The following DEPDC5 variants were observed in gnomAD, a reference collection of about 807,000 sequenced individuals.
DEPDC5 encodes DEP domain containing 5, GATOR1 subcomplex subunit, also known as GATOR1 complex protein DEPDC5.
A neutral mutation model predicts 217.3 loss-of-function variants in DEPDC5; 73 were observed. The observed-to-expected ratio is 0.34, with a 90% CI of 0.28 to 0.41. The LOEUF (loss-of-function observed/expected upper bound fraction) is 0.41. DEPDC5 is among the 10% of genes least tolerant of loss of function. The pLI is 1.00. For synonymous variants in DEPDC5, 733 were observed against 756.7 expected (o/e 0.97, Z 0.51); for missense variants, 1,675 against 2,070.1 (o/e 0.81, Z 3.70).
intron 27 of DEPDC5, among the ~76,000 whole-genome samples, chr22:31,840,420 G>A (rs1284644742): frequency 1.3e-5 from 2 of 152,220 alleles, no homozygotes; most frequent in Non-Finnish European, 2.9e-5. Context: ...AGCCGGAGGT[G>A]CAGCCAGAGA....
chr22:31,906,503 G>A lies in DEPDC5; in HGVS notation c.*6G>A. The A allele has an allele frequency of 6.2e-7, 1 of 1,612,704 alleles. No individual in the cohort carries two copies. The highest frequency in any genetic ancestry group is 1.3e-5 in the African/African-American group (1 of 75,070). On this transcript the variant is annotated 3_prime_UTR_variant, in exon 43 of 43. Transcript: ENST00000651528. This position sits in a 1 kb window ranked among gnomAD's most constrained non-coding sequence, Gnocchi z 5.1. Reference sequence around the variant, plus strand: ...TGCATGCCAGTGCCCCGTGAGGCCAGGCTGCACCTGTGCTGGGGGAAGGTG... The same window carrying A: ...TGCATGCCAGTGCCCCGTGAGGCCAAGCTGCACCTGTGCTGGGGGAAGGTG...
At chr22:31,838,951 G>T in intron 27 of DEPDC5, 106 bp downstream of exon 27, 2 of 1,243,480 alleles carry the variant, frequency 1.6e-6, no homozygotes, top group Non-Finnish European at 2.2e-6. Context: ...AATCGTTTTC[G>T]ACATAGAAGT....
At chr22:31,885,015 C>G (rs140579398) in intron 38 of DEPDC5, among the ~76,000 whole-genome samples, 1 of 152,272 alleles carries the variant, frequency 6.6e-6, no homozygotes, top group African/African-American at 2.4e-5. Context: ...GTGGTTCGAG[C>G]CACCTTCATC....
intron 34 of DEPDC5, among the ~76,000 whole-genome samples, chr22:31,871,067 C>T (rs547080630): frequency 1.3e-5 from 2 of 152,306 alleles, no homozygotes; most frequent in Non-Finnish European, 2.9e-5. Context: ...ATGTCTTGCA[C>T]GTCATAGCAT....
chr22:31,827,944 C>A (rs570463595), intron 24 of DEPDC5, among the ~76,000 whole-genome samples: 3 of 152,288 alleles, frequency 2.0e-5, no homozygotes, highest in Admixed American at 6.5e-5. Flanking sequence ...AATGACATGG[C>A]CACCCTTCCC....
chr22:31,906,864 C>A lies in DEPDC5; in HGVS notation c.*367C>A, dbSNP rs904544756. On this transcript the variant is annotated 3_prime_UTR_variant, in exon 43 of 43. Coordinates refer to ENST00000651528, the MANE Select transcript of DEPDC5 (RefSeq NM_001242896.3). The surrounding 1 kb of genome is among the most constrained non-coding windows in gnomAD (Gnocchi z 5.1). The stretch of plus-strand genomic sequence containing the variant: ...TCCTGGTAGCATCCTTTTCCTTCAC[C>A]ATCTATGGGATATTAGGGGCAGAAT... The A allele has an allele frequency of 1.4e-5, 5 of 368,848 alleles. No individual in the cohort carries two copies. The highest frequency in any genetic ancestry group is 2.0e-5 in the African/African-American group (1 of 48,906). The allele number at this position is 368,848 out of a possible 1,614,324, so 22.8% of individuals were successfully genotyped here.
At chr22:31,763,262 T>G (rs1158620235) in intron 4 of DEPDC5, among the ~76,000 whole-genome samples, 4 of 152,094 alleles carry the variant, frequency 2.6e-5, no homozygotes, top group Non-Finnish European at 5.9e-5. Flanking sequence ...GTGCTGGGAT[T>G]ACAGACATGA....
At chr22:31,800,987 C>CTTT (rs772458096) in intron 14 of DEPDC5, among the ~76,000 whole-genome samples, 14 of 141,158 alleles carry the variant, frequency 9.9e-5, no homozygotes, top group Non-Finnish European at 1.4e-4. Context: ...AAAAAAAATT[C>CTTT]TTTTTTTTTT....
At chr22:31,830,630 CGT>C (rs34078350) in intron 24 of DEPDC5, among the ~76,000 whole-genome samples, 18,494 of 142,226 alleles carry the variant, frequency 0.13, 1,110 homozygotes, top group South Asian at 0.22. Flanking sequence ...TATGCGTGTA[CGT>C]GTGTGTGTGT....
At chr22:31,831,226 G>A (rs2090572839) in intron 24 of DEPDC5, 1 of 152,278 alleles carries the variant, frequency 6.6e-6, no homozygotes, top group Non-Finnish European at 1.5e-5. Context: ...GAGATCTTCA[G>A]TAAGTTGCTT....
At chr22:31,844,067 A>G (rs1028017163) in intron 29 of DEPDC5, among the ~76,000 whole-genome samples, 3 of 152,088 alleles carry the variant, frequency 2.0e-5, no homozygotes, top group African/African-American at 7.2e-5. Flanking sequence ...CTCTACTAAA[A>G]ATACAAAAAT....
chr22:31,878,149 T>C (rs2093056757), intron 37 of DEPDC5, among the ~76,000 whole-genome samples: 1 of 150,604 alleles, frequency 6.6e-6, no homozygotes, highest in African/African-American at 2.4e-5. Context: ...ATCATGCCAC[T>C]GCACTCCAGC....
chr22:31,764,959 A>G lies in DEPDC5; in HGVS notation c.194-16A>G, dbSNP rs746137304. Reference sequence around the variant, plus strand: ...TCAAAATATGTTATCTGAGCCAGATATTGTTTCTGTTTTAGAAACTATCAG... The same window carrying G: ...TCAAAATATGTTATCTGAGCCAGATGTTGTTTCTGTTTTAGAAACTATCAG... On this transcript the variant is annotated splice_polypyrimidine_tract_variant and intron_variant, in intron 4 of 42. Coordinates refer to ENST00000651528, the MANE Select transcript of DEPDC5 (RefSeq NM_001242896.3). 29 of 1,603,752 alleles carry G rather than the reference A, an allele frequency of 1.8e-5. No individual in the cohort carries two copies. Among genetic ancestry groups the G allele is most frequent in the Non-Finnish European group, 2.4e-5 (28 of 1,170,834 alleles).
chr22:31,873,154 TGGTTTCTGGCTCCATA>T, intron 34 of DEPDC5, 85 bp from the exon 35 acceptor site: 1 of 1,597,752 alleles, frequency 6.3e-7, no homozygotes, highest in Non-Finnish European at 8.5e-7. Context: ...AACATTGTCC[TGGTTTCTGGCTCCATA>T]GGAAGTGGAG....
chr22:31,893,624 A>T lies in DEPDC5; in HGVS notation c.4076A>T (p.Asp1359Val), dbSNP rs769196883. Residue 1359 changes from aspartate (D) to valine (V), a missense_variant, in exon 39 of 43, where the codon GAC (aspartate) becomes GTC (valine). This residue lies in a region of DEPDC5 where 182 missense variants were observed against 290.1 expected (regional missense o/e 0.63). Transcript: ENST00000651528. ...CAGAGGACTGTGACCCTGGATGTTGACGTGAACAACCGCACAGACCGGCTG... is the reference window on the plus strand; with the variant it reads ...CAGAGGACTGTGACCCTGGATGTTGTCGTGAACAACCGCACAGACCGGCTG... ...PEQRTVTLDV[D>V]VNNRTDRLEW... is the part of the protein sequence containing the mutation. 6.2e-7 allele frequency: 1 copy of T among 1,613,266 alleles called. No homozygotes were observed. Among genetic ancestry groups the T allele is most frequent in the Non-Finnish European group, 8.5e-7 (1 of 1,179,684 alleles).
chr22:31,785,881 A>C (rs541724271), intron 10 of DEPDC5, among the ~76,000 whole-genome samples: 14 of 152,214 alleles, frequency 9.2e-5, no homozygotes, highest in Non-Finnish European at 1.9e-4. Context: ...ATTCTGGAAC[A>C]ACTGAATGTC....
chr22:31,784,045 G>A, intron 9 of DEPDC5, 60 bp downstream of exon 9: 3 of 1,397,552 alleles, frequency 2.1e-6, no homozygotes, highest in Non-Finnish European at 3.0e-6. Flanking sequence ...AACTGCAAAT[G>A]CTAATTCATG....
chr22:31,897,453 A>G (rs1240612851), intron 39 of DEPDC5, 29 bp from the exon 40 acceptor site: 1 of 1,578,684 alleles, frequency 6.3e-7, no homozygotes, highest in African/African-American at 1.4e-5. Flanking sequence ...CTTGGAGATG[A>G]TATTGTTTGT....
intron 20 of DEPDC5, 188 bp from the exon 21 acceptor site, chr22:31,814,804 C>T (rs1029256066): frequency 1.6e-6 from 1 of 609,490 alleles, no homozygotes. Flanking sequence ...TCATTTCCCC[C>T]CTCTCTTATA....
Sources: gnomAD v4.1 joint callset for allele counts (sites outside exome capture counted in the v4.1 genomes callset) on GRCh38, gnomAD v4.1.1 for gene constraint, gnomAD v4.1.1 regional missense constraint, Gnocchi (gnomAD v3.1) non-coding constraint, MANE v1.5 for transcripts, NCBI Gene and HGNC (gene_info 2026-07-23, HGNC 2026-07-21) for gene names.